The following TUBA4A variants were observed in gnomAD, a reference collection of about 807,000 sequenced individuals.
TUBA4A encodes tubulin alpha-4A chain.
A neutral mutation model predicts 34.3 loss-of-function variants in TUBA4A; 23 were observed. That is an observed-to-expected ratio of 0.67 (90% CI 0.48 to 0.95). TUBA4A has a LOEUF of 0.95. Ranked by LOEUF, TUBA4A falls within the 40% of genes least tolerant of loss-of-function variation. TUBA4A has a pLI of 0.00. For missense variants in TUBA4A, 279 were observed against 599.0 expected (o/e 0.47, Z 5.58); for synonymous variants, 216 against 230.5 (o/e 0.94, Z 0.57).
At position 219,252,982 on chromosome 2, in the gene TUBA4A, C is replaced by T. The variant is rs1193601152; in HGVS notation, c.4-752G>A. On this transcript the variant is annotated intron_variant, in intron 1 of 3. Transcript: ENST00000248437. This position sits in a 1 kb window ranked among gnomAD's most constrained non-coding sequence, Gnocchi z 4.1. ...TTCCCACACCGAAATGGCGGGGTGACGGTTTCCAAATACCCAGAAAGGAAG... is the reference window on the plus strand; with the variant it reads ...TTCCCACACCGAAATGGCGGGGTGATGGTTTCCAAATACCCAGAAAGGAAG... 9.3e-6 allele frequency: 5 copies of T among 538,776 alleles called. No homozygotes were observed. Among genetic ancestry groups the T allele is most frequent in the Admixed American group, 2.3e-5 (1 of 43,286 alleles). 33.4% of individuals were successfully genotyped at this position (538,776 alleles called of 1,614,324 possible).
chr2:219,253,343 G>A (rs1458897385), intron 1 of TUBA4A: 9 of 1,533,416 alleles, frequency 5.9e-6, no homozygotes, highest in Non-Finnish European at 7.9e-6. Flanking sequence ...CAGACGCGGG[G>A]TGCTGAGTCA....
At chr2:219,253,359 G>GA (rs1553571369) in intron 1 of TUBA4A, 5 of 1,531,968 alleles carry the variant, frequency 3.3e-6, no homozygotes, top group East Asian at 2.4e-5. Flanking sequence ...AGTCACGGGG[G>GA]GGGGGTGGTT....
rs1312490496 is a variant in TUBA4A, at chr2:219,251,038, G to A, written c.661C>T (p.Arg221Cys). Residue 221 changes from arginine (R) to cysteine (C), a missense_variant, in exon 4 of 4, where the codon CGC becomes TGC. Arg to Cys is a radical substitution (Grantham distance 180). Around this residue, in one of 3 missense-constraint regions of TUBA4A, gnomAD observed 108 missense variants for 299.9 expected, o/e 0.36. Coordinates refer to ENST00000248437, the MANE Select transcript of TUBA4A (RefSeq NM_006000.3). This position sits in a 1 kb window ranked among gnomAD's most constrained non-coding sequence, Gnocchi z 6.1. ...DICRRNLDIERPTYTNLNRLI... is the reference protein window; with the variant it reads ...DICRRNLDIECPTYTNLNRLI... Reference sequence around the variant, plus strand: ...CGATTGAGGTTGGTGTAGGTTGGGCGCTCGATGTCTAGGTTGCGGCGGCAG... The same window carrying A: ...CGATTGAGGTTGGTGTAGGTTGGGCACTCGATGTCTAGGTTGCGGCGGCAG... The A allele has an allele frequency of 3.7e-6, 6 of 1,614,066 alleles. No individual in the cohort carries two copies. Among genetic ancestry groups the A allele is most frequent in the Non-Finnish European group, 4.2e-6 (5 of 1,180,046 alleles).
rs376398028 is a variant in TUBA4A, at chr2:219,252,051, G to A, written c.183C>T (p.His61=). ...GATCCACAAAAACTGCCCGGGGTAC[G>A]TGTTTTCCAGCACCAGTTTCACAGA... is the stretch of plus-strand genomic sequence containing the variant. ...TFFCETGAGK[H]VPRAVFVDLE... The change falls in exon 2 of 4, where the codon CAC becomes CAT. Residue 61 remains histidine, a synonymous_variant. Coordinates refer to ENST00000248437, the MANE Select transcript of TUBA4A (RefSeq NM_006000.3). This position sits in a 1 kb window ranked among gnomAD's most constrained non-coding sequence, Gnocchi z 4.1. 18 of 1,614,052 alleles carry A rather than the reference G, an allele frequency of 1.1e-5. No homozygotes were observed. Among genetic ancestry groups the A allele is most frequent in the African/African-American group, 4.0e-5 (3 of 74,918 alleles).
Position 219,251,840 on chromosome 2 carries a change from C to G in TUBA4A, c.227-127G>C, listed in dbSNP as rs1272270069. 3 of 1,398,474 alleles carry G rather than the reference C, an allele frequency of 2.1e-6. No homozygotes were observed. The highest frequency in any genetic ancestry group is 2.9e-6 in the Non-Finnish European group (3 of 1,031,314). 86.6% of individuals were successfully genotyped at this position (1,398,474 alleles called of 1,614,324 possible). A position where few individuals can be genotyped will look rare whatever the true frequency, so the allele number is the denominator to read the frequency against. On this transcript the variant is annotated intron_variant, in intron 2 of 3. Coordinates refer to ENST00000248437, the MANE Select transcript of TUBA4A (RefSeq NM_006000.3). This position sits in a 1 kb window ranked among gnomAD's most constrained non-coding sequence, Gnocchi z 6.1. ...CTGAGATACCAGAGTGTGAGAGAAA[C>G]CCAGACCAGCTGCCCAGGCCAGTCT...
At position 219,251,925 on chromosome 2, in the gene TUBA4A, C is replaced by G. The variant is rs917537665; in HGVS notation, c.226+83G>C. On this transcript the variant is annotated intron_variant, in intron 2 of 3. Transcript: ENST00000248437. This position sits in a 1 kb window ranked among gnomAD's most constrained non-coding sequence, Gnocchi z 6.1. The stretch of plus-strand genomic sequence containing the variant: ...CTAGGAATTTTCAGGGCTAGGAATG[C>G]CTGGTCTAAATACCCTCTCTCTCCA... 2 of 1,466,210 alleles carry G rather than the reference C, an allele frequency of 1.4e-6. No homozygotes were observed. The highest frequency in any genetic ancestry group is 2.3e-5 in the East Asian group (1 of 42,788). 90.8% of individuals were successfully genotyped at this position (1,466,210 alleles called of 1,614,324 possible). A position where few individuals can be genotyped will look rare whatever the true frequency, so the allele number is the denominator to read the frequency against.
chr2:219,254,065 C>G (rs1008512083), upstream of TUBA4A: 1 of 467,024 alleles, frequency 2.1e-6, no homozygotes, highest in Non-Finnish European at 3.8e-6. Context: ...TGGCCTGGTA[C>G]CCTCCCCAAG....
Position 219,251,598 on chromosome 2 carries a change from G to T in TUBA4A, c.342C>A (p.Ile114=), listed in dbSNP as rs531687027. 6.2e-7 allele frequency: 1 copy of T among 1,614,118 alleles called. No homozygotes were observed. The highest frequency in any genetic ancestry group is 8.5e-7 in the Non-Finnish European group (1 of 1,179,982). Residue 114 remains isoleucine, a synonymous_variant, in exon 3 of 4, where the codon ATC becomes ATA. Transcript: ENST00000248437. This position sits in a 1 kb window ranked among gnomAD's most constrained non-coding sequence, Gnocchi z 6.1. ...GGATCCGATCCAGCACTGGGTCAAT[G>T]ATCTCCTTGCCAATGGTATAGTGAC... ...ARGHYTIGKE[I]IDPVLDRIRK...
At chr2:219,253,770 G>A in intron 1 of TUBA4A, 86 bp downstream of exon 1, 1 of 1,472,828 alleles carries the variant, frequency 6.8e-7, no homozygotes. Context: ...GCCCGGTGGA[G>A]GTCCCCGAGC....
chr2:219,252,939 G>A lies in TUBA4A; in HGVS notation c.4-709C>T. The A allele has an allele frequency of 1.0e-5, 5 of 486,706 alleles. No homozygotes were observed. Among genetic ancestry groups the A allele is most frequent in the South Asian group, 6.2e-5 (4 of 64,762 alleles). The allele number at this position is 486,706 out of a possible 1,614,324, so 30.1% of individuals were successfully genotyped here. A position where few individuals can be genotyped will look rare whatever the true frequency, so the allele number is the denominator to read the frequency against. ...ATTAACCCCTAAAGCACTAAAGTCC[G>A]GCAGGGCCCGCGCGCTCTTCCCACA... On this transcript the variant is annotated intron_variant, in intron 1 of 3. Coordinates refer to ENST00000248437, the MANE Select transcript of TUBA4A (RefSeq NM_006000.3). This position sits in a 1 kb window ranked among gnomAD's most constrained non-coding sequence, Gnocchi z 4.1.
At chr2:219,253,731 A>G (rs1247746899) in intron 1 of TUBA4A, 125 bp downstream of exon 1, 1 of 1,204,988 alleles carries the variant, frequency 8.3e-7, no homozygotes, top group East Asian at 2.6e-5. Context: ...GAGGATGCAA[A>G]ACCCTCGCAC....
rs1951619169 is a variant in TUBA4A, at chr2:219,250,057, A to T, written c.*295T>A. Reference sequence around the variant, plus strand: ...GAAAGGAGCTGAAGACTCATCCTTCAACAGTTTGTGCCTGGATTTTGGTCC... The same window carrying T: ...GAAAGGAGCTGAAGACTCATCCTTCTACAGTTTGTGCCTGGATTTTGGTCC... On this transcript the variant is annotated 3_prime_UTR_variant, in exon 4 of 4. Transcript: ENST00000248437. This position sits in a 1 kb window ranked among gnomAD's most constrained non-coding sequence, Gnocchi z 8.4. 8.0e-6 allele frequency: 3 copies of T among 374,662 alleles called. No homozygotes were observed. Among genetic ancestry groups the T allele is most frequent in the African/African-American group, 2.0e-5 (1 of 49,086 alleles). 23.2% of individuals were successfully genotyped at this position (374,662 alleles called of 1,614,324 possible).
At chr2:219,253,360 G>C (rs777534114) in intron 1 of TUBA4A, 35 of 1,533,728 alleles carry the variant, frequency 2.3e-5, no homozygotes, top group South Asian at 7.2e-5. Flanking sequence ...GTCACGGGGG[G>C]GGGGTGGTTC....
rs1203884294 is a variant in TUBA4A, at chr2:219,251,958, G to C, written c.226+50C>G. 6.4e-7 allele frequency: 1 copy of C among 1,573,524 alleles called. No homozygotes were observed. Among genetic ancestry groups the C allele is most frequent in the Non-Finnish European group, 8.7e-7 (1 of 1,145,162 alleles). On this transcript the variant is annotated intron_variant, in intron 2 of 3. Coordinates refer to ENST00000248437, the MANE Select transcript of TUBA4A (RefSeq NM_006000.3). This position sits in a 1 kb window ranked among gnomAD's most constrained non-coding sequence, Gnocchi z 6.1. ...AAATACCCTCTCTCTCCAGGGAGAA[G>C]CTTTGAGTCATGCTCCACCCCCTTC...
Position 219,252,043 on chromosome 2 carries a change from C to T in TUBA4A, c.191G>A (p.Arg64Gln), listed in dbSNP as rs1430581087. The part of the protein sequence containing the change: ...CETGAGKHVP[R>Q]AVFVDLEPTV... ...AGGCTCCAGATCCACAAAAACTGCC[C>T]GGGGTACGTGTTTTCCAGCACCAGT... is the stretch of plus-strand genomic sequence containing the variant. The change falls in exon 2 of 4, where the codon CGG becomes CAG. Residue 64 changes from arginine to glutamine, a missense_variant. Coordinates refer to ENST00000248437, the MANE Select transcript of TUBA4A (RefSeq NM_006000.3). This position sits in a 1 kb window ranked among gnomAD's most constrained non-coding sequence, Gnocchi z 4.1. 5 of 1,614,188 alleles carry T rather than the reference C, an allele frequency of 3.1e-6. No homozygotes were observed. The highest frequency in any genetic ancestry group is 1.7e-5 in the Admixed American group (1 of 60,024).
upstream of TUBA4A, chr2:219,253,957 G>GT (rs930835469): frequency 8.5e-7 from 1 of 1,174,490 alleles, no homozygotes; most frequent in African/African-American, 1.6e-5. Flanking sequence ...AGGCGGGGGG[G>GT]GGGCGGGGCC....
rs779410531 is a variant in TUBA4A, at chr2:219,251,736, G to A, written c.227-23C>T. The A allele has an allele frequency of 6.2e-7, 1 of 1,605,832 alleles. No homozygotes were observed. Among genetic ancestry groups the A allele is most frequent in the Non-Finnish European group, 8.5e-7 (1 of 1,174,336 alleles). On this transcript the variant is annotated intron_variant, in intron 2 of 3. Coordinates refer to ENST00000248437, the MANE Select transcript of TUBA4A (RefSeq NM_006000.3). The surrounding 1 kb of genome is among the most constrained non-coding windows in gnomAD (Gnocchi z 6.1). Reference sequence around the variant, plus strand: ...CATCTGGAAGGGCAAAAACCACAAAGCTATGCTCAGCAGGGACCTTCCTCC... The same window carrying A: ...CATCTGGAAGGGCAAAAACCACAAAACTATGCTCAGCAGGGACCTTCCTCC...
In TUBA4A at chr2:219,251,465, T is replaced by C. The variant is rs1178129825; in HGVS notation, c.375+100A>G. 6.5e-7 allele frequency: 1 copy of C among 1,544,794 alleles called. No homozygotes were observed. Among genetic ancestry groups the C allele is most frequent in the Non-Finnish European group, 8.8e-7 (1 of 1,139,202 alleles). On this transcript the variant is annotated intron_variant, in intron 3 of 3. Coordinates refer to ENST00000248437, the MANE Select transcript of TUBA4A (RefSeq NM_006000.3). This position sits in a 1 kb window ranked among gnomAD's most constrained non-coding sequence, Gnocchi z 6.1. The stretch of plus-strand genomic sequence containing the variant: ...CATAGCAGCACCACACTCGAGACCA[T>C]GTATAGTTAGAGATGACCTCCTGAA...
chr2:219,253,204 C>G lies in TUBA4A; in HGVS notation c.3+652G>C, dbSNP rs973825314. ...CTACATGCACCTCTCTCCCCTCCCC[C>G]CAACCTGGCCTCGGCCCGCGCAGTG... On this transcript the variant is annotated intron_variant, in intron 1 of 3. Coordinates refer to ENST00000248437, the MANE Select transcript of TUBA4A (RefSeq NM_006000.3). 269 of 1,494,924 alleles carry G rather than the reference C, an allele frequency of 1.8e-4. 1 individual carries two copies. The East Asian group carries it at 5.5e-3, about 31-fold the overall frequency. 92.6% of individuals were successfully genotyped at this position (1,494,924 alleles called of 1,614,324 possible). A position where few individuals can be genotyped will look rare whatever the true frequency, so the allele number is the denominator to read the frequency against.
Sources: gnomAD v4.1 joint callset for allele counts on GRCh38, gnomAD v4.1.1 for gene constraint, gnomAD v4.1.1 regional missense constraint, Gnocchi (gnomAD v3.1) non-coding constraint, MANE v1.5 for transcripts, NCBI Gene and HGNC (gene_info 2026-07-23, HGNC 2026-07-21) for gene names.